The following PMFBP1 variants were observed in gnomAD, a reference collection of about 807,000 sequenced individuals.
PMFBP1 encodes polyamine modulated factor 1 binding protein 1.
Under a neutral mutation model 137.8 loss-of-function variants are expected in PMFBP1, and 131 were observed. That is an observed-to-expected ratio of 0.95 (90% CI 0.82 to 1.10). The LOEUF is 1.10. Ranked by LOEUF, PMFBP1 falls within the 50% of genes least tolerant of loss-of-function variation. The pLI is 0.00. For missense variants in PMFBP1, 1,199 were observed against 1,175.4 expected (o/e 1.02, Z -0.29); for synonymous variants, 490 against 450.4 (o/e 1.09, Z -1.11).
intron 10 of PMFBP1, 75 bp from the exon 11 acceptor site, chr16:72,130,797 A>G (rs1445140950): frequency 7.1e-7 from 1 of 1,399,724 alleles, no homozygotes; most frequent in Non-Finnish European, 9.5e-7. Context: ...CTGGCTGAAG[A>G]GTTTTTCCTT....
chr16:72,231,906 G>GTATATACTTTTGTCCTCACAAA, the PMFBP1 span, among the ~76,000 whole-genome samples: 1 of 151,800 alleles, frequency 6.6e-6, no homozygotes, highest in South Asian at 2.1e-4. Context: ...TATACTTTTG[G>GTATATACTTTTGTCCTCACAAA]GAAGACACCC....
At chr16:72,180,583 A>C (rs2043272667), upstream of PMFBP1, among the ~76,000 whole-genome samples, 1 of 151,868 alleles carries the variant, frequency 6.6e-6, no homozygotes, top group Non-Finnish European at 1.5e-5. Context: ...CCCTTTCTAC[A>C]CTTCTGCTGC....
intron 12 of PMFBP1, 130 bp downstream of exon 12, chr16:72,130,083 G>A: frequency 8.1e-7 from 1 of 1,230,284 alleles, no homozygotes; most frequent in Non-Finnish European, 1.1e-6. Context: ...TGGAACCCCT[G>A]GGCTCAAGTG....
the PMFBP1 span, among the ~76,000 whole-genome samples, chr16:72,211,269 T>G: frequency 6.6e-6 from 1 of 152,158 alleles, no homozygotes; most frequent in Non-Finnish European, 1.5e-5. Flanking sequence ...ACAGTTGGCC[T>G]TCCTCCCACC....
chr16:72,125,871 C>G, intron 15 of PMFBP1, 97 bp downstream of exon 15: 1 of 1,437,236 alleles, frequency 7.0e-7, no homozygotes, highest in Non-Finnish European at 9.5e-7. Flanking sequence ...GCCCCATTGA[C>G]AGTCAATAGG....
the PMFBP1 span, among the ~76,000 whole-genome samples, chr16:72,210,506 C>G: frequency 1.3e-5 from 2 of 152,228 alleles, no homozygotes; most frequent in African/African-American, 4.8e-5. Context: ...AGAACCCAAA[C>G]TTCACAGTCC....
chr16:72,205,081 T>A, the PMFBP1 span, among the ~76,000 whole-genome samples: 1 of 152,164 alleles, frequency 6.6e-6, no homozygotes, highest in Non-Finnish European at 1.5e-5. Context: ...CTGGATGCCA[T>A]CCTCAGTGTG....
At chr16:72,158,253 C>A (rs374893519) in intron 3 of PMFBP1, among the ~76,000 whole-genome samples, 1 of 152,152 alleles carries the variant, frequency 6.6e-6, no homozygotes, top group African/African-American at 2.4e-5. Context: ...GGCAAAGACA[C>A]GCCAGTGTAT....
the PMFBP1 span, among the ~76,000 whole-genome samples, chr16:72,245,113 T>C: frequency 6.6e-6 from 1 of 152,214 alleles, no homozygotes; most frequent in Non-Finnish European, 1.5e-5. Context: ...AAGGGATTAA[T>C]GAGTTCAGGT....
chr16:72,186,111 A>G, the PMFBP1 span, among the ~76,000 whole-genome samples: 7 of 152,136 alleles, frequency 4.6e-5, no homozygotes, highest in African/African-American at 1.7e-4. Context: ...CTGCATCATG[A>G]GATTGATAAG....
At position 72,150,661 on chromosome 16, in the gene PMFBP1, G is replaced by C; in HGVS notation, c.583C>G (p.Leu195Val). The change falls in exon 5 of 21, where the codon CTA (leucine) becomes GTA (valine). Residue 195 changes from leucine (L) to valine (V), a missense_variant. Physicochemically the swap from Leu to Val is conservative, Grantham distance 32. Transcript: ENST00000237353. ...YQSSLSNIEL[L>V]ECQVKMLQGE... ...TGCAACATCTTCACTTGGCATTCTAGTAACTCGATGTTGCTCAGGGAAGAC... is the reference window on the plus strand; with the variant it reads ...TGCAACATCTTCACTTGGCATTCTACTAACTCGATGTTGCTCAGGGAAGAC... 1 of 1,614,048 alleles carries C rather than the reference G, an allele frequency of 6.2e-7. No homozygotes were observed. Among genetic ancestry groups the C allele is most frequent in the Non-Finnish European group, 8.5e-7 (1 of 1,180,012 alleles).
At position 72,145,021 on chromosome 16, in the gene PMFBP1, C is replaced by T. The variant is rs558795949; in HGVS notation, c.637-4439G>A. 3.9e-5 allele frequency among the ~76,000 whole-genome samples: 6 copies of T among 152,270 alleles called. No homozygotes were observed. In the South Asian group the frequency reaches 1.2e-3, roughly 32 times the overall value. Reference sequence around the variant, plus strand: ...TCCAGGACTTGAACTCAGCTCTGCACCAAGCGGACCTAATAGACATCTACA... The same window carrying T: ...TCCAGGACTTGAACTCAGCTCTGCATCAAGCGGACCTAATAGACATCTACA... On this transcript the variant is annotated intron_variant, in intron 5 of 20. Coordinates refer to ENST00000237353, the MANE Select transcript of PMFBP1 (RefSeq NM_031293.3).
At chr16:72,189,515 AG>A in the PMFBP1 span, among the ~76,000 whole-genome samples, 2 of 152,242 alleles carry the variant, frequency 1.3e-5, no homozygotes, top group Non-Finnish European at 2.9e-5. Context: ...AGGGCTGAGA[AG>A]GAGCCCACAG....
At chr16:72,232,000 G>A in the PMFBP1 span, among the ~76,000 whole-genome samples, 1 of 152,114 alleles carries the variant, frequency 6.6e-6, no homozygotes, top group African/African-American at 2.4e-5. Context: ...TCAATCTCTG[G>A]TCACGCCAAG....
chr16:72,171,304 T>C (rs2043217599), intron 1 of PMFBP1, 36 bp from the exon 2 acceptor site: 4 of 1,365,642 alleles, frequency 2.9e-6, no homozygotes, highest in Non-Finnish European at 4.1e-6. Context: ...GGAAAAAGTA[T>C]AAATGAGCCT....
At chr16:72,179,671 C>T (rs553193811), upstream of PMFBP1, among the ~76,000 whole-genome samples, 3 of 152,314 alleles carry the variant, frequency 2.0e-5, no homozygotes, top group South Asian at 6.2e-4. Context: ...AAACTGGAAT[C>T]TTTCCTTCCA....
At chr16:72,230,484 T>A in the PMFBP1 span, among the ~76,000 whole-genome samples, 1 of 152,302 alleles carries the variant, frequency 6.6e-6, no homozygotes, top group South Asian at 2.1e-4. Context: ...AGTTGACTCA[T>A]CTGCCTAGAT....
At chr16:72,156,274 A>T (rs1217833788) in intron 3 of PMFBP1, among the ~76,000 whole-genome samples, 1 of 151,380 alleles carries the variant, frequency 6.6e-6, no homozygotes, top group Non-Finnish European at 1.5e-5. Flanking sequence ...GGTGTGAGCC[A>T]CTGTGCCTGG....
chr16:72,211,111 C>T, the PMFBP1 span, among the ~76,000 whole-genome samples: 1 of 152,294 alleles, frequency 6.6e-6, no homozygotes, highest in South Asian at 2.1e-4. Context: ...GTGCTAGGTG[C>T]TTTCAGAGAA....
Sources: allele counts gnomAD v4.1 joint callset (sites outside exome capture counted in the v4.1 genomes callset), GRCh38; gene constraint gnomAD v4.1.1; transcripts MANE v1.5; gene names NCBI Gene and HGNC (gene_info 2026-07-23, HGNC 2026-07-21).